The following PHACTR1 variants were observed in gnomAD, a reference collection of about 807,000 sequenced individuals.
PHACTR1 encodes phosphatase and actin regulator 1.
PHACTR1 carries 16 observed loss-of-function variants against 69.2 expected under a neutral mutation model. That is an observed-to-expected ratio of 0.23 (90% CI 0.16 to 0.35). The LOEUF is 0.35. Among genes scored for constraint, PHACTR1 ranks in the 10% least tolerant of loss-of-function variants. The pLI is 1.00. For synonymous variants in PHACTR1, 312 were observed against 284.5 expected (o/e 1.10, Z -0.97); for missense variants, 510 against 734.7 (o/e 0.69, Z 3.54).
At chr6:12,997,279 ATCTC>A (rs1282457943) in intron 4 of PHACTR1, among the ~76,000 whole-genome samples, 4 of 147,824 alleles carry the variant, frequency 2.7e-5, no homozygotes, top group East Asian at 1.9e-4. Context: ...TATATAGTAA[ATCTC>A]TATATAAGTG....
chr6:13,169,756 A>C (rs1423042292), intron 6 of PHACTR1, among the ~76,000 whole-genome samples: 1 of 152,232 alleles, frequency 6.6e-6, no homozygotes, highest in Non-Finnish European at 1.5e-5. Flanking sequence ...TTCTTCAGTT[A>C]CCTGTGAAGC....
intron 4 of PHACTR1, among the ~76,000 whole-genome samples, chr6:12,768,150 C>T (rs1768890709): frequency 7.0e-6 from 1 of 143,488 alleles, no homozygotes; most frequent in South Asian, 2.3e-4. Flanking sequence ...AGTCTTGCTC[C>T]ATTGCCCAGG....
intron 4 of PHACTR1, among the ~76,000 whole-genome samples, chr6:12,765,008 G>A (rs1768440963): frequency 6.6e-6 from 1 of 152,108 alleles, no homozygotes; most frequent in African/African-American, 2.4e-5. Context: ...CTGAATGGTA[G>A]CTGGCTTATT....
At chr6:12,720,115 C>A (rs549986937) in intron 3 of PHACTR1, among the ~76,000 whole-genome samples, 1 of 152,282 alleles carries the variant, frequency 6.6e-6, no homozygotes, top group African/African-American at 2.4e-5. Context: ...GACCTCCAAC[C>A]TCTTCTGGGT....
intron 5 of PHACTR1, among the ~76,000 whole-genome samples, chr6:13,115,292 C>T (rs553093793): frequency 2.0e-5 from 3 of 152,230 alleles, no homozygotes; most frequent in Non-Finnish European, 2.9e-5. Context: ...CAATCCAACT[C>T]AACATAAAAT....
chr6:13,200,798 A>G (rs542908802), intron 7 of PHACTR1, among the ~76,000 whole-genome samples: 69 of 151,816 alleles, frequency 4.5e-4, no homozygotes, highest in Non-Finnish European at 8.0e-4. Flanking sequence ...AAAATTAGCC[A>G]GGCATCATGG....
chr6:13,240,999 C>T (rs1323425207), intron 10 of PHACTR1, among the ~76,000 whole-genome samples: 1 of 152,160 alleles, frequency 6.6e-6, no homozygotes, highest in Admixed American at 6.5e-5. Context: ...AGCACATCTT[C>T]TAAATCCAGG....
chr6:12,892,102 A>C (rs1418979435), intron 4 of PHACTR1, among the ~76,000 whole-genome samples: 3 of 152,256 alleles, frequency 2.0e-5, no homozygotes, highest in Admixed American at 2.0e-4. Context: ...TGTGCTCCTC[A>C]TGAACTCTCA....
intron 12 of PHACTR1, among the ~76,000 whole-genome samples, chr6:13,281,734 A>G (rs1450237910): frequency 6.6e-6 from 1 of 152,270 alleles, no homozygotes; most frequent in Non-Finnish European, 1.5e-5. Context: ...CCCTGCACTC[A>G]CATTGTGGAG....
intron 5 of PHACTR1, among the ~76,000 whole-genome samples, chr6:13,111,486 G>A (rs1817025621): frequency 1.3e-5 from 2 of 152,120 alleles, no homozygotes; most frequent in Admixed American, 1.3e-4. Context: ...AATGAAAACA[G>A]CCATTCCCTG....
At chr6:13,173,868 C>T (rs1467644717) in intron 6 of PHACTR1, among the ~76,000 whole-genome samples, 3 of 152,124 alleles carry the variant, frequency 2.0e-5, no homozygotes, top group Non-Finnish European at 2.9e-5. Flanking sequence ...CCACAACGCC[C>T]GGCTAATTTT....
rs542173703 is a variant in PHACTR1 at position 12,798,626 on chromosome 6, A to G, written c.250+48836A>G. The stretch of plus-strand genomic sequence containing the variant: ...TTACTTCTGAAGGTTTGTCAGAAAG[A>G]GTGCACATCCTGCTTTCTAAGTGGG... On this transcript the variant is annotated intron_variant, in intron 4 of 14. Coordinates refer to ENST00000332995, the MANE Select transcript of PHACTR1 (RefSeq NM_030948.6). Among the ~76,000 whole-genome samples, 5 of 152,338 alleles carry G rather than the reference A, an allele frequency of 3.3e-5. No homozygotes were observed. The East Asian group carries it at 9.6e-4, about 29-fold the overall frequency.
At chr6:13,094,509 C>T (rs548747697) in intron 5 of PHACTR1, among the ~76,000 whole-genome samples, 53 of 151,854 alleles carry the variant, frequency 3.5e-4, no homozygotes, top group South Asian at 6.2e-4. Context: ...ATTAGCCAGG[C>T]GGGTCTTGAA....
rs567766557 is a variant in PHACTR1, at chr6:13,085,585, A to G, written c.415+32056A>G. Among the ~76,000 whole-genome samples, 3 of 152,244 alleles carry G rather than the reference A, an allele frequency of 2.0e-5. No individual in the cohort carries two copies. The East Asian group carries it at 5.8e-4, about 29-fold the overall frequency. On this transcript the variant is annotated intron_variant, in intron 5 of 14. Transcript: ENST00000332995. The stretch of plus-strand genomic sequence containing the variant: ...ATGTATCTAACTTTATAGTCTTAAA[A>G]TATATACAGCATAAGTTGGCAGAAT...
chr6:13,133,234 TCC>T (rs1820797905), intron 5 of PHACTR1, among the ~76,000 whole-genome samples: 1 of 25,766 alleles, frequency 3.9e-5, no homozygotes, highest in Admixed American at 4.8e-4. Context: ...CCTCCCCCTC[TCC>T]CTCTCCCTTT....
Position 13,206,049 on chromosome 6 carries a change from C to T in PHACTR1, c.899C>T (p.Thr300Ile), listed in dbSNP as rs1470786490. ...GSHGQHLPST[T>I]GSLPMHPSGC... ...CACGGCCAGCACCTCCCCTCCACCA[C>T]CGGCTCCCTCCCCATGCACCCCTCG... Residue 300 changes from threonine (T) to isoleucine (I), a missense_variant, in exon 8 of 15, where the codon ACC (threonine) becomes ATC (isoleucine). Thr to Ile is a moderately conservative substitution (Grantham distance 89). Coordinates refer to ENST00000332995, the MANE Select transcript of PHACTR1 (RefSeq NM_030948.6). 1.2e-6 allele frequency: 2 copies of T among 1,613,948 alleles called. No individual in the cohort carries two copies. The highest frequency in any genetic ancestry group is 1.3e-5 in the African/African-American group (1 of 75,042).
At chr6:12,885,429 G>C (rs1783542378) in intron 4 of PHACTR1, among the ~76,000 whole-genome samples, 1 of 152,230 alleles carries the variant, frequency 6.6e-6, no homozygotes, top group South Asian at 2.1e-4. Context: ...TTTGATCAAA[G>C]AATTCCTATT....
chr6:12,856,707 A>C (rs1408021518), intron 4 of PHACTR1, among the ~76,000 whole-genome samples: 1 of 152,196 alleles, frequency 6.6e-6, no homozygotes, highest in African/African-American at 2.4e-5. Context: ...AAGGCTTTCA[A>C]GATCCTGCGT....
Position 13,227,948 on chromosome 6 carries a change from TGAC to T in PHACTR1, c.1120_1122del (p.Asp374del). On this transcript the variant is annotated inframe_deletion, in exon 9 of 15. Coordinates refer to ENST00000332995, the MANE Select transcript of PHACTR1 (RefSeq NM_030948.6). ...TGCCAACTGTTGTGATTGAATGTGA[TGAC>T]AATAAAGAAAATGTGCCTCATGAGT... The T allele has an allele frequency of 6.2e-7, 1 of 1,613,990 alleles. No individual in the cohort carries two copies. Among genetic ancestry groups the T allele is most frequent in the African/African-American group, 1.3e-5 (1 of 75,026 alleles).
Sources: allele counts gnomAD v4.1 joint callset (sites outside exome capture counted in the v4.1 genomes callset), GRCh38; gene constraint gnomAD v4.1.1; transcripts MANE v1.5; gene names NCBI Gene and HGNC (gene_info 2026-07-23, HGNC 2026-07-21).